The following STXBP4 variants were observed in gnomAD, a reference collection of about 807,000 sequenced individuals.
STXBP4 encodes the protein syntaxin-binding protein 4.
A neutral mutation model predicts 76.1 loss-of-function variants in STXBP4; 55 were observed. The observed-to-expected ratio is 0.72, with a 90% CI of 0.58 to 0.91. The LOEUF (loss-of-function observed/expected upper bound fraction) is 0.91. STXBP4 is among the 40% of genes least tolerant of loss of function. The pLI is 0.00. For missense variants in STXBP4, 618 were observed against 636.9 expected, an observed-to-expected ratio of 0.97 and a Z score of 0.32; for synonymous variants, 201 against 220.2, an observed-to-expected ratio of 0.91 and a Z score of 0.77.
At chr17:55,026,297 A>G (rs577435005) in intron 8 of STXBP4, among the ~76,000 whole-genome samples, 1 of 152,308 alleles carries the variant, frequency 6.6e-6, no homozygotes, top group African/African-American at 2.4e-5. Flanking sequence ...GAAATGCAAA[A>G]GACCCAAAAT....
intron 17 of STXBP4, among the ~76,000 whole-genome samples, chr17:55,152,534 G>C (rs941694174): frequency 2.0e-5 from 3 of 152,130 alleles, no homozygotes; most frequent in African/African-American, 7.2e-5. Flanking sequence ...ACGTGGCTGG[G>C]GAGGCCTCCC....
At chr17:55,131,821 G>C (rs916039401) in intron 16 of STXBP4, among the ~76,000 whole-genome samples, 2 of 152,136 alleles carry the variant, frequency 1.3e-5, no homozygotes, top group African/African-American at 4.8e-5. Flanking sequence ...GAGTGCTGTG[G>C]TGCCATCTAG....
chr17:55,082,873 A>G (rs1234861376), intron 16 of STXBP4, among the ~76,000 whole-genome samples: 9 of 152,190 alleles, frequency 5.9e-5, no homozygotes, highest in Non-Finnish European at 1.2e-4. Context: ...AGATAGCTAT[A>G]TTATATTCTT....
At chr17:55,110,512 T>TAAATGAC (rs944197702) in intron 16 of STXBP4, among the ~76,000 whole-genome samples, 1 of 152,180 alleles carries the variant, frequency 6.6e-6, no homozygotes, top group African/African-American at 2.4e-5. Context: ...AGGGATAATG[T>TAAATGAC]AAATGACAGA....
At chr17:55,121,792 A>G (rs1223868567) in intron 16 of STXBP4, among the ~76,000 whole-genome samples, 1 of 151,828 alleles carries the variant, frequency 6.6e-6, no homozygotes, top group African/African-American at 2.4e-5. Flanking sequence ...CTGCTTGGGG[A>G]AACTTTTAAT....
intron 12 of STXBP4, among the ~76,000 whole-genome samples, chr17:55,050,506 C>G (rs1226299703): frequency 6.6e-6 from 1 of 151,728 alleles, no homozygotes; most frequent in Non-Finnish European, 1.5e-5. Context: ...AGGACATCCC[C>G]CAATAAAAAA....
intron 16 of STXBP4, among the ~76,000 whole-genome samples, chr17:55,103,753 C>T (rs2079595184): frequency 6.6e-6 from 1 of 152,088 alleles, no homozygotes; most frequent in Non-Finnish European, 1.5e-5. Flanking sequence ...TATTGATTCT[C>T]CTATCCATGA....
At chr17:55,177,912 C>T (rs1420727112), downstream of STXBP4, among the ~76,000 whole-genome samples, 1 of 152,156 alleles carries the variant, frequency 6.6e-6, no homozygotes, top group African/African-American at 2.4e-5. Context: ...GCAGCTGTTC[C>T]ACTCCCTAAA....
At chr17:55,107,345 T>TCAAGG (rs1459262960) in intron 16 of STXBP4, among the ~76,000 whole-genome samples, 13 of 152,196 alleles carry the variant, frequency 8.5e-5, no homozygotes, top group Non-Finnish European at 1.5e-5. Context: ...TCTAACCTTT[T>TCAAGG]TTCAAGGTTC....
chr17:55,007,888 T>A (rs1336716613), intron 8 of STXBP4, among the ~76,000 whole-genome samples: 1 of 152,212 alleles, frequency 6.6e-6, no homozygotes, highest in Admixed American at 6.5e-5. Flanking sequence ...CAGTCTAGAA[T>A]AAATGGAAAG....
rs2080327006 is a variant in STXBP4, at chr17:55,160,451, T to G, written c.*540T>G. 6.5e-6 allele frequency: 1 copy of G among 152,704 alleles called. No individual in the cohort carries two copies. The highest frequency in any genetic ancestry group is 1.5e-5 in the Non-Finnish European group (1 of 68,116). The allele number at this position is 152,704 out of a possible 1,614,324, so 9.5% of individuals were successfully genotyped here. On this transcript the variant is annotated 3_prime_UTR_variant, in exon 18 of 18. Coordinates refer to ENST00000376352, the MANE Select transcript of STXBP4 (RefSeq NM_178509.6). ...TGGAGCTTTCTAATTTACAAAATGCTTTGTAGACCCCATTGTCTTTAAACC... is the reference window on the plus strand; with the variant it reads ...TGGAGCTTTCTAATTTACAAAATGCGTTGTAGACCCCATTGTCTTTAAACC...
At chr17:55,042,285 T>C (rs1349545299) in intron 10 of STXBP4, among the ~76,000 whole-genome samples, 4 of 152,292 alleles carry the variant, frequency 2.6e-5, no homozygotes, top group African/African-American at 9.6e-5. Context: ...AGGCAAGTTA[T>C]TAACATTTCT....
rs144532825 is a variant in STXBP4 at position 55,125,287 on chromosome 17, T to C, written c.1490-16023T>C. On this transcript the variant is annotated intron_variant, in intron 16 of 17. Transcript: ENST00000376352. ...ATTACTATGTTTTCCTCTAATTGAC[T>C]CTATGGCAAAGCTCTGAAACCATTT... is the stretch of plus-strand genomic sequence containing the variant. 4.6e-5 allele frequency among the ~76,000 whole-genome samples: 7 copies of C among 152,150 alleles called. No individual in the cohort carries two copies. The East Asian group carries it at 1.2e-3, about 25-fold the overall frequency.
chr17:55,121,638 C>A (rs1039310546), intron 16 of STXBP4, among the ~76,000 whole-genome samples: 1 of 152,092 alleles, frequency 6.6e-6, no homozygotes, highest in African/African-American at 2.4e-5. Context: ...CTATGGCAGA[C>A]TTGGTGTTTT....
At chr17:55,092,788 A>G (rs1254031167) in intron 16 of STXBP4, among the ~76,000 whole-genome samples, 1 of 152,196 alleles carries the variant, frequency 6.6e-6, no homozygotes, top group East Asian at 1.9e-4. Flanking sequence ...AACATTTTAA[A>G]GGCCTTGATG....
At chr17:55,186,240 C>T in the STXBP4 span, among the ~76,000 whole-genome samples, 1 of 152,132 alleles carries the variant, frequency 6.6e-6, no homozygotes, top group Non-Finnish European at 1.5e-5. Flanking sequence ...ATCTCGCTCT[C>T]TCACCCATCC....
intron 17 of STXBP4, among the ~76,000 whole-genome samples, chr17:55,146,083 A>G (rs1422022160): frequency 2.0e-5 from 3 of 152,188 alleles, no homozygotes. Flanking sequence ...CATGCTTTAT[A>G]CATATGTTAT....
chr17:54,984,558 TG>T (rs1416220655), intron 1 of STXBP4, among the ~76,000 whole-genome samples: 1 of 151,916 alleles, frequency 6.6e-6, no homozygotes, highest in Non-Finnish European at 1.5e-5. Context: ...TTAGCCAGGA[TG>T]GTCTCGATCT....
intron 12 of STXBP4, among the ~76,000 whole-genome samples, chr17:55,051,872 T>C (rs1036536903): frequency 6.6e-6 from 1 of 152,146 alleles, no homozygotes; most frequent in African/African-American, 2.4e-5. Flanking sequence ...TGTACACATG[T>C]GTATTATATA....
Sources: gnomAD v4.1 joint callset for allele counts (sites outside exome capture counted in the v4.1 genomes callset) on GRCh38, gnomAD v4.1.1 for gene constraint, MANE v1.5 for transcripts, NCBI Gene and HGNC (gene_info 2026-07-23, HGNC 2026-07-21) for gene names.